ZNF708: variants seen among roughly 807,000 people sequenced by gnomAD.
The protein encoded by ZNF708 is zinc finger protein 708, also known as ZNF15, ZNF15L1.
ZNF708 carries 44 observed loss-of-function variants against 47.0 expected under a neutral mutation model. That is an observed-to-expected ratio of 0.94 (90% CI 0.74 to 1.20). ZNF708 has a LOEUF of 1.20. Ranked by LOEUF, ZNF708 falls within the 50% of genes most tolerant of loss-of-function variation. The probability of loss-of-function intolerance (pLI) is 0.00; values close to 1 mark genes in which losing one functional copy is unlikely to be tolerated. For missense variants in ZNF708, 557 were observed against 656.0 expected (o/e 0.85, Z 1.65); for synonymous variants, 184 against 218.5 (o/e 0.84, Z 1.39).
At chr19:21,315,539 A>T (rs1972984164) in intron 1 of ZNF708, among the ~76,000 whole-genome samples, 3 of 152,168 alleles carry the variant, frequency 2.0e-5, no homozygotes, top group Admixed American at 2.0e-4. Flanking sequence ...ACATGAATGT[A>T]AGTATACAAT....
intron 1 of ZNF708, among the ~76,000 whole-genome samples, chr19:21,320,768 T>TAAAA (rs55662605): frequency 8.9e-6 from 1 of 111,910 alleles, no homozygotes; most frequent in Non-Finnish European, 1.8e-5. Flanking sequence ...CTCTGGCCAT[T>TAAAA]AAAAAAAAAA....
chr19:21,317,994 C>A (rs960155086), intron 1 of ZNF708, among the ~76,000 whole-genome samples: 5 of 152,182 alleles, frequency 3.3e-5, no homozygotes, highest in Non-Finnish European at 7.4e-5. Flanking sequence ...CACTCAGCTA[C>A]AGCACTCCTG....
chr19:21,308,569 G>C (rs1037668551), intron 3 of ZNF708, among the ~76,000 whole-genome samples: 2 of 151,954 alleles, frequency 1.3e-5, no homozygotes, highest in Non-Finnish European at 2.9e-5. Context: ...GTGAGCCACC[G>C]TGCCCAGCCC....
In ZNF708 at chr19:21,307,286, C is replaced by A. The variant is rs571011668; in HGVS notation, c.226+1960G>T. 1.0e-3 allele frequency among the ~76,000 whole-genome samples: 155 copies of A among 152,054 alleles called. 1 individual carries two copies. The highest frequency in any genetic ancestry group is 3.7e-3 in the African/African-American group (152 of 41,518). On this transcript the variant is annotated intron_variant, in intron 3 of 3. Transcript: ENST00000356929. ...GCAGGCTTGAGACCAAGCTACTACC[C>A]CTCTCCACAAACCCAGAGGGCATCC...
intron 1 of ZNF708, among the ~76,000 whole-genome samples, chr19:21,324,151 G>A (rs1973210208): frequency 6.6e-6 from 1 of 152,118 alleles, no homozygotes; most frequent in African/African-American, 2.4e-5. Context: ...GGCTGAGGCA[G>A]GAGAATGGTG....
At chr19:21,327,487 G>A (rs542457169) in intron 1 of ZNF708, among the ~76,000 whole-genome samples, 2 of 149,886 alleles carry the variant, frequency 1.3e-5, no homozygotes, top group East Asian at 2.0e-4. Context: ...ACCCGAGATC[G>A]TGCCATTGCA....
chr19:21,299,508 G>A (rs1469360251), intron 3 of ZNF708, among the ~76,000 whole-genome samples: 1 of 151,486 alleles, frequency 6.6e-6, no homozygotes, highest in South Asian at 2.1e-4. Flanking sequence ...CCCAGCACTT[G>A]GAGAGGCTGA....
Position 21,329,388 on chromosome 19 carries a change from C to G in ZNF708, c.-176G>C. On this transcript the variant is annotated 5_prime_UTR_variant, in exon 1 of 4. Coordinates refer to ENST00000356929, the MANE Select transcript of ZNF708 (RefSeq NM_021269.3). ...GCGCCAAACCCGGAAGCCGCCCTGT[C>G]CGGTCCAGCTGCGTGTCTGAGTGAA... is the stretch of plus-strand genomic sequence containing the variant. 1 of 952,284 alleles carries G rather than the reference C, an allele frequency of 1.1e-6. No individual in the cohort carries two copies. The highest frequency in any genetic ancestry group is 1.6e-6 in the Non-Finnish European group (1 of 626,174). The allele number at this position is 952,284 out of a possible 1,614,324, so 59.0% of individuals were successfully genotyped here.
chr19:21,297,270 ATTTTTTTTT>A (rs1157234305), intron 3 of ZNF708, among the ~76,000 whole-genome samples: 74 of 46,632 alleles, frequency 1.6e-3, no homozygotes, highest in Non-Finnish European at 2.0e-3. Flanking sequence ...ATATATATAT[ATTTTTTTTT>A]TTTTTTTTTT....
At chr19:21,294,878 G>A (rs1476826426) in intron 3 of ZNF708, 139 bp from the exon 4 acceptor site, 2 of 866,446 alleles carry the variant, frequency 2.3e-6, no homozygotes, top group East Asian at 2.8e-5. Context: ...ACATATAAAT[G>A]TAACAAAAGC....
Position 21,293,692 on chromosome 19 carries a change from C to T in ZNF708, c.1274G>A (p.Cys425Tyr), listed in dbSNP as rs1241551190. The change falls in exon 4 of 4, where the codon TGT becomes TAT. Residue 425 changes from cysteine to tyrosine, a missense_variant. Physicochemically the swap from Cys to Tyr is radical, Grantham distance 194. Transcript: ENST00000356929. ...TGAGAATATACTAAAGGCTTTACCA[C>T]ATTCTTCACATTTGTAGGGTTTCTT... ...TGKKPYKCEE[C>Y]GKAFSIFSIL... 3 of 1,613,014 alleles carry T rather than the reference C, an allele frequency of 1.9e-6. No individual in the cohort carries two copies. Among genetic ancestry groups the T allele is most frequent in the Non-Finnish European group, 8.5e-7 (1 of 1,179,686 alleles).
At chr19:21,311,289 C>T (rs1170949991) in intron 1 of ZNF708, among the ~76,000 whole-genome samples, 1 of 151,948 alleles carries the variant, frequency 6.6e-6, no homozygotes, top group African/African-American at 2.4e-5. Flanking sequence ...TGCACATTAG[C>T]TGCATAAAGA....
chr19:21,296,936 C>A (rs1286498791), intron 3 of ZNF708, among the ~76,000 whole-genome samples: 1 of 151,730 alleles, frequency 6.6e-6, no homozygotes, highest in Non-Finnish European at 1.5e-5. Flanking sequence ...AGTTCAGGAC[C>A]AGCCTGGCCA....
At chr19:21,319,453 T>TG (rs1014062716) in intron 1 of ZNF708, among the ~76,000 whole-genome samples, 9 of 151,436 alleles carry the variant, frequency 5.9e-5, no homozygotes, top group Non-Finnish European at 2.9e-5. Context: ...AATATGAGTT[T>TG]TTTTTTTTTA....
intron 1 of ZNF708, among the ~76,000 whole-genome samples, chr19:21,311,897 G>C (rs1972905810): frequency 6.6e-6 from 1 of 152,066 alleles, no homozygotes; most frequent in African/African-American, 2.4e-5. Context: ...ACAGCCCTAT[G>C]GCCACCCTTT....
intron 1 of ZNF708, among the ~76,000 whole-genome samples, chr19:21,316,924 T>C (rs1041752814): frequency 2.0e-5 from 3 of 151,904 alleles, no homozygotes; most frequent in Non-Finnish European, 4.4e-5. Context: ...GTAGCTGGCA[T>C]TACAGGCGTG....
intron 3 of ZNF708, among the ~76,000 whole-genome samples, chr19:21,298,875 TCA>T: frequency 6.6e-6 from 1 of 152,230 alleles, no homozygotes; most frequent in African/African-American, 2.4e-5. Flanking sequence ...GGAATATCAC[TCA>T]GTTTGCAAAC....
At chr19:21,305,017 CTT>C (rs879483978) in intron 3 of ZNF708, among the ~76,000 whole-genome samples, 2 of 145,610 alleles carry the variant, frequency 1.4e-5, no homozygotes, top group Admixed American at 6.9e-5. Flanking sequence ...TCAACAGATT[CTT>C]TTTTTTTTTT....
intron 3 of ZNF708, among the ~76,000 whole-genome samples, chr19:21,303,853 G>A (rs1231205946): frequency 6.6e-6 from 1 of 151,664 alleles, no homozygotes; most frequent in Non-Finnish European, 1.5e-5. Flanking sequence ...AATTTACCAG[G>A]AATCTATAAC....
Sources: allele counts gnomAD v4.1 joint callset (sites outside exome capture counted in the v4.1 genomes callset), GRCh38; gene constraint gnomAD v4.1.1; transcripts MANE v1.5; gene names NCBI Gene and HGNC (gene_info 2026-07-23, HGNC 2026-07-21).